The following PPP1R1C variants were observed in gnomAD, a reference collection of about 807,000 sequenced individuals.
The protein encoded by PPP1R1C is protein phosphatase 1 regulatory inhibitor subunit 1C, also known as protein phosphatase 1 regulatory subunit 1C.
In PPP1R1C, 15 loss-of-function variants were observed where a neutral mutation model predicts 17.4. That is an observed-to-expected ratio of 0.86 (90% CI 0.58 to 1.33). PPP1R1C has a LOEUF of 1.33. Ranked by LOEUF, PPP1R1C falls within the 40% of genes most tolerant of loss-of-function variation. The probability of loss-of-function intolerance (pLI) is 0.00; values close to 1 mark genes in which losing one functional copy is unlikely to be tolerated. For synonymous variants in PPP1R1C, 35 were observed against 43.1 expected (o/e 0.81, Z 0.73); for missense variants, 143 against 130.0 (o/e 1.10, Z -0.48).
chr2:181,995,925 C>T lies in PPP1R1C; in HGVS notation c.142+8026C>T, dbSNP rs1365989406. Among the ~76,000 whole-genome samples the T allele has an allele frequency of 4.6e-5, 7 of 152,146 alleles. No individual in the cohort carries two copies. The East Asian group carries it at 5.8e-4, about 13-fold the overall frequency. On this transcript the variant is annotated intron_variant, in intron 2 of 4. Coordinates refer to ENST00000682840, the MANE Select transcript of PPP1R1C (RefSeq NM_001080545.3). Reference sequence around the variant, plus strand: ...ACCAGGGGCTTAAGCAGAAATGCCCCGGGACCTGGGCAGGTGACATAGATG... The same window carrying T: ...ACCAGGGGCTTAAGCAGAAATGCCCTGGGACCTGGGCAGGTGACATAGATG...
intron 2 of PPP1R1C, among the ~76,000 whole-genome samples, chr2:181,988,836 T>G (rs945138504): frequency 6.6e-6 from 1 of 152,190 alleles, no homozygotes; most frequent in Non-Finnish European, 1.5e-5. Context: ...TATTCATCAT[T>G]TAGCCCAAAT....
chr2:182,073,222 T>A (rs538711712), intron 4 of PPP1R1C, among the ~76,000 whole-genome samples: 2 of 152,254 alleles, frequency 1.3e-5, no homozygotes, highest in East Asian at 3.9e-4. Flanking sequence ...ATATGTGATA[T>A]CTGTAATTCC....
At chr2:182,026,140 T>G (rs1382232525) in intron 2 of PPP1R1C, among the ~76,000 whole-genome samples, 2 of 89,032 alleles carry the variant, frequency 2.2e-5, no homozygotes, top group African/African-American at 5.0e-5. Context: ...TTGCGAAAAT[T>G]TTCTCCCATT....
intron 2 of PPP1R1C, among the ~76,000 whole-genome samples, chr2:182,021,624 CA>C (rs920113178): frequency 2.0e-5 from 3 of 150,942 alleles, no homozygotes; most frequent in African/African-American, 7.3e-5. Flanking sequence ...CACGCCCAGC[CA>C]AAAAAAATGG....
chr2:182,018,586 G>A (rs138785811), intron 2 of PPP1R1C, among the ~76,000 whole-genome samples: 1,886 of 152,218 alleles, frequency 0.012, 19 homozygotes, highest in South Asian at 0.039. Flanking sequence ...AGGTGTGTGG[G>A]GACCAGAGGG....
chr2:181,982,122 T>C (rs1685204668), upstream of PPP1R1C, among the ~76,000 whole-genome samples: 1 of 152,170 alleles, frequency 6.6e-6, no homozygotes, highest in Non-Finnish European at 1.5e-5. Context: ...TGCTTTTCCC[T>C]CTCCACCCCT....
chr2:182,036,083 T>C (rs879837556), intron 2 of PPP1R1C, among the ~76,000 whole-genome samples: 5 of 152,202 alleles, frequency 3.3e-5, no homozygotes, highest in Admixed American at 6.5e-5. Context: ...ACAAGTCCTT[T>C]CAACAAAGTG....
intron 4 of PPP1R1C, among the ~76,000 whole-genome samples, chr2:182,067,123 T>C (rs1193672354): frequency 6.6e-6 from 1 of 152,122 alleles, no homozygotes; most frequent in African/African-American, 2.4e-5. Context: ...CTATTAGTAT[T>C]GCATTACCAT....
At chr2:182,090,105 T>A (rs527800168) in intron 4 of PPP1R1C, among the ~76,000 whole-genome samples, 1 of 152,290 alleles carries the variant, frequency 6.6e-6, no homozygotes, top group Non-Finnish European at 1.5e-5. Context: ...TAGTATACGT[T>A]CTGTACACTT....
At chr2:182,108,788 C>A (rs1689331348) in intron 4 of PPP1R1C, among the ~76,000 whole-genome samples, 1 of 152,124 alleles carries the variant, frequency 6.6e-6, no homozygotes, top group Non-Finnish European at 1.5e-5. Flanking sequence ...TTGATTCTGT[C>A]TTCCAAGGTT....
intron 2 of PPP1R1C, among the ~76,000 whole-genome samples, chr2:182,028,555 G>C (rs971973314): frequency 6.6e-6 from 1 of 152,110 alleles, no homozygotes; most frequent in African/African-American, 2.4e-5. Flanking sequence ...GTTCTAGTTT[G>C]ATTGCATTGT....
downstream of PPP1R1C, among the ~76,000 whole-genome samples, chr2:182,121,153 C>T (rs1689723721): frequency 6.6e-6 from 1 of 152,098 alleles, no homozygotes. Flanking sequence ...ACTATATTTC[C>T]CAGACCACAT....
chr2:182,081,209 T>C (rs1688465173), intron 4 of PPP1R1C, among the ~76,000 whole-genome samples: 1 of 152,216 alleles, frequency 6.6e-6, no homozygotes, highest in Non-Finnish European at 1.5e-5. Flanking sequence ...AGGTAAGTAG[T>C]ATACTCTTTC....
At chr2:182,110,079 T>C (rs1689371454) in intron 4 of PPP1R1C, among the ~76,000 whole-genome samples, 1 of 151,394 alleles carries the variant, frequency 6.6e-6, no homozygotes, top group Non-Finnish European at 1.5e-5. Context: ...TTCACAATAA[T>C]ACAGAGTATA....
At chr2:182,112,959 A>T (rs1689483790) in intron 4 of PPP1R1C, among the ~76,000 whole-genome samples, 1 of 152,232 alleles carries the variant, frequency 6.6e-6, no homozygotes, top group Non-Finnish European at 1.5e-5. Flanking sequence ...ATCATTTGAC[A>T]TTATAATTAC....
upstream of PPP1R1C, among the ~76,000 whole-genome samples, chr2:181,982,632 A>C (rs1351160142): frequency 6.6e-6 from 1 of 152,170 alleles, no homozygotes; most frequent in Non-Finnish European, 1.5e-5. Context: ...AGGAGGTGGA[A>C]TTAGAGAATG....
intron 2 of PPP1R1C, among the ~76,000 whole-genome samples, chr2:182,025,872 T>C (rs1304872673): frequency 1.4e-5 from 2 of 145,172 alleles, no homozygotes; most frequent in African/African-American, 5.4e-5. Context: ...CAGCACCTGT[T>C]GTTTCCTGAC....
At chr2:182,024,208 C>T (rs1031032120) in intron 2 of PPP1R1C, among the ~76,000 whole-genome samples, 6 of 152,160 alleles carry the variant, frequency 3.9e-5, no homozygotes, top group Non-Finnish European at 8.8e-5. Context: ...TTAAAAAGGA[C>T]TTAGCATGAA....
chr2:182,039,577 A>T (rs1239186584), intron 2 of PPP1R1C, among the ~76,000 whole-genome samples: 4 of 151,976 alleles, frequency 2.6e-5, no homozygotes, highest in African/African-American at 9.7e-5. Context: ...TAGAGCTAAG[A>T]TCTCATTATT....
Sources: allele counts gnomAD v4.1 joint callset (sites outside exome capture counted in the v4.1 genomes callset), GRCh38; gene constraint gnomAD v4.1.1; transcripts MANE v1.5; gene names NCBI Gene and HGNC (gene_info 2026-07-23, HGNC 2026-07-21).